Variants in SLC6A17 observed in about 807,000 individuals in gnomAD.
SLC6A17 encodes the protein sodium-dependent neutral amino acid transporter SLC6A17.
SLC6A17 carries 21 observed loss-of-function variants against 64.5 expected under a neutral mutation model. The ratio of observed to expected loss-of-function variants is 0.33; its 90% CI spans 0.23 to 0.47. SLC6A17 has a LOEUF of 0.47. Ranked by LOEUF, SLC6A17 falls within the 20% of genes least tolerant of loss-of-function variation. The probability of loss-of-function intolerance (pLI) is 1.00; values close to 1 mark genes in which losing one functional copy is unlikely to be tolerated. For synonymous variants in SLC6A17, 372 were observed against 399.5 expected, an observed-to-expected ratio of 0.93 and a Z score of 0.82; for missense variants, 682 against 963.2, an observed-to-expected ratio of 0.71 and a Z score of 3.86.
chr1:110,163,053 C>G (rs1030944548), intron 1 of SLC6A17, among the ~76,000 whole-genome samples: 1 of 149,782 alleles, frequency 6.7e-6, no homozygotes, highest in African/African-American at 2.5e-5. Context: ...TGGTTTTAAG[C>G]GGTCTCAAGC....
chr1:110,153,519 ATGTG>A (rs3222731), intron 1 of SLC6A17, among the ~76,000 whole-genome samples: 26 of 137,340 alleles, frequency 1.9e-4, no homozygotes, highest in Middle Eastern at 3.6e-3. Context: ...GCTACTGGAA[ATGTG>A]TGTGTGTGTG....
At chr1:110,165,776 G>C (rs958203815) in intron 1 of SLC6A17, among the ~76,000 whole-genome samples, 7 of 152,152 alleles carry the variant, frequency 4.6e-5, no homozygotes, top group African/African-American at 1.7e-4. Context: ...CCAGCTTCCA[G>C]AGACAGCTCT....
chr1:110,198,297 G>A lies in SLC6A17; in HGVS notation c.2037G>A (p.Lys679=). 6.2e-7 allele frequency: 1 copy of A among 1,614,148 alleles called. No homozygotes were observed. Among genetic ancestry groups the A allele is most frequent in the Non-Finnish European group, 8.5e-7 (1 of 1,180,018 alleles). The stretch of plus-strand genomic sequence containing the variant: ...ATGAGACCCGCTTCATCCTCAGCAA[G>A]GTGCCCAGTGAGGCACCTTCCCCCA... ...ENDETRFILS[K]VPSEAPSPMP... is the part of the protein sequence containing the mutation. The change falls in exon 12 of 12, where the codon AAG becomes AAA. Residue 679 remains lysine (K), a synonymous_variant. Transcript: ENST00000331565.
intron 6 of SLC6A17, among the ~76,000 whole-genome samples, chr1:110,179,263 CATGTTTCTCTAGGGTATCT>C (rs1318718037): frequency 6.6e-6 from 1 of 152,172 alleles, no homozygotes; most frequent in Admixed American, 6.5e-5. Flanking sequence ...TTCATGCATA[CATGTTTCTCTAGGGTATCT>C]ATGTTTAGGA....
chr1:110,176,912 G>A (rs943810009), intron 6 of SLC6A17, among the ~76,000 whole-genome samples, 173 bp downstream of exon 6: 1 of 152,214 alleles, frequency 6.6e-6, no homozygotes, highest in Non-Finnish European at 1.5e-5. Flanking sequence ...TGCCCTCCAG[G>A]TTCCAAGGAG....
chr1:110,153,879 C>T (rs547081395), intron 1 of SLC6A17, among the ~76,000 whole-genome samples: 2 of 149,448 alleles, frequency 1.3e-5, no homozygotes, highest in East Asian at 1.9e-4. Flanking sequence ...TCTGGAGCAC[C>T]AGGATGGGGG....
chr1:110,169,726 A>G (rs748520146), intron 2 of SLC6A17, among the ~76,000 whole-genome samples: 2 of 152,240 alleles, frequency 1.3e-5, no homozygotes, highest in Non-Finnish European at 2.9e-5. Context: ...ATTCGGATGA[A>G]CAACTTTAGG....
intron 5 of SLC6A17, among the ~76,000 whole-genome samples, chr1:110,175,326 A>C (rs976201584): frequency 6.6e-6 from 1 of 152,250 alleles, no homozygotes; most frequent in Admixed American, 6.5e-5. Context: ...TGCTTTGAGC[A>C]GTTCTTGGTG....
intron 8 of SLC6A17, among the ~76,000 whole-genome samples, chr1:110,193,517 G>A (rs998606482): frequency 4.6e-5 from 7 of 152,370 alleles, no homozygotes; most frequent in South Asian, 2.1e-4. Flanking sequence ...CACATGGGGC[G>A]GAGCCAGCTC....
At chr1:110,159,298 G>A (rs2101838351) in intron 1 of SLC6A17, among the ~76,000 whole-genome samples, 1 of 152,274 alleles carries the variant, frequency 6.6e-6, no homozygotes, top group East Asian at 1.9e-4. Flanking sequence ...GGCTGCCCTT[G>A]TTTACATGCA....
chr1:110,167,031 G>A lies in SLC6A17; in HGVS notation c.102G>A (p.Lys34=), dbSNP rs1570983711. The A allele has an allele frequency of 1.2e-6, 2 of 1,612,906 alleles. No homozygotes were observed. Among genetic ancestry groups the A allele is most frequent in the Non-Finnish European group, 1.7e-6 (2 of 1,179,538 alleles). The change falls in exon 2 of 12, where the codon AAG becomes AAA. Residue 34 remains lysine (K), a synonymous_variant. Transcript: ENST00000331565. ...LLALEEPVDY[K]QSVLNVAGEA... Reference sequence around the variant, plus strand: ...CCCTCGAGGAGCCTGTGGACTATAAGCAGAGTGTACTGAATGTGGCTGGTG... The same window carrying A: ...CCCTCGAGGAGCCTGTGGACTATAAACAGAGTGTACTGAATGTGGCTGGTG...
intron 3 of SLC6A17, 36 bp from the exon 4 acceptor site, chr1:110,173,937 G>GTAT: frequency 6.3e-7 from 1 of 1,597,658 alleles, no homozygotes; most frequent in South Asian, 1.1e-5. Context: ...GGAGTTGCCT[G>GTAT]CAGCCTCAGT....
At chr1:110,185,907 G>C (rs1013480601) in intron 6 of SLC6A17, among the ~76,000 whole-genome samples, 5 of 152,174 alleles carry the variant, frequency 3.3e-5, no homozygotes, top group Non-Finnish European at 7.3e-5. Flanking sequence ...TGAGCTGCAG[G>C]CTGGAAGGGA....
intron 1 of SLC6A17, among the ~76,000 whole-genome samples, chr1:110,161,786 G>T (rs1011536390): frequency 2.0e-5 from 3 of 152,140 alleles, no homozygotes; most frequent in Non-Finnish European, 4.4e-5. Context: ...CGGCTGCTGT[G>T]GGGTGGAGGG....
rs551396705 is a variant in SLC6A17 at position 110,157,497 on chromosome 1, C to T, written c.-88+6614C>T. 1.9e-3 allele frequency among the ~76,000 whole-genome samples: 282 copies of T among 152,114 alleles called. 1 individual carries two copies. The highest frequency in any genetic ancestry group is 3.3e-3 in the Non-Finnish European group (225 of 68,002). On this transcript the variant is annotated intron_variant, in intron 1 of 11. Transcript: ENST00000331565. ...CTGAGGCAGGAGAATCTCTTGAACC[C>T]GGGAGGTGGAGGTTGCAGTGAGCCG...
chr1:110,193,082 C>T (rs1224173264), intron 8 of SLC6A17, among the ~76,000 whole-genome samples: 2 of 152,208 alleles, frequency 1.3e-5, no homozygotes, highest in Non-Finnish European at 2.9e-5. Context: ...CCGTTGCTGT[C>T]TATCTCTTTT....
At chr1:110,177,285 G>A (rs1429311446) in intron 6 of SLC6A17, among the ~76,000 whole-genome samples, 3 of 152,174 alleles carry the variant, frequency 2.0e-5, no homozygotes, top group South Asian at 2.1e-4. Context: ...GACTACATGA[G>A]TGGTGACTTT....
chr1:110,192,356 T>A lies in SLC6A17; in HGVS notation c.1106+143T>A. On this transcript the variant is annotated intron_variant, in intron 7 of 11. Transcript: ENST00000331565. The surrounding 1 kb of genome is among the most constrained non-coding windows in gnomAD (Gnocchi z 4.3). ...ATGGAGATCAGAGGAGCACTCTCTG[T>A]CCCCAGCTCCGGGCCACAGGGACAA... The A allele has an allele frequency of 6.9e-7, 1 of 1,451,894 alleles. No individual in the cohort carries two copies. Among genetic ancestry groups the A allele is most frequent in the Non-Finnish European group, 9.3e-7 (1 of 1,073,572 alleles). The allele number at this position is 1,451,894 out of a possible 1,614,324, so 89.9% of individuals were successfully genotyped here.
At chr1:110,153,688 A>G (rs1655673717) in intron 1 of SLC6A17, among the ~76,000 whole-genome samples, 2 of 152,130 alleles carry the variant, frequency 1.3e-5, no homozygotes, top group Admixed American at 1.3e-4. Context: ...CCCTTCCTTT[A>G]TACTCCTTTT....
Sources: allele counts gnomAD v4.1 joint callset (sites outside exome capture counted in the v4.1 genomes callset), GRCh38; gene constraint gnomAD v4.1.1; non-coding constraint Gnocchi (gnomAD v3.1); transcripts MANE v1.5; gene names NCBI Gene and HGNC (gene_info 2026-07-23, HGNC 2026-07-21).